The following GLRB variants were observed in gnomAD, a reference collection of about 807,000 sequenced individuals.
GLRB encodes the protein glycine receptor beta.
In GLRB, 33 loss-of-function variants were observed where a neutral mutation model predicts 54.2. The observed-to-expected ratio is 0.61, with a 90% confidence interval of 0.46 to 0.81. GLRB has a LOEUF of 0.81. Among genes scored for constraint, GLRB ranks in the 40% least tolerant of loss-of-function variants. The pLI is 0.00. For synonymous variants in GLRB, 209 were observed against 208.2 expected (o/e 1.00, Z -0.03); for missense variants, 572 against 584.6 (o/e 0.98, Z 0.22).
chr4:157,164,127 T>C (rs1270685560), intron 9 of GLRB, among the ~76,000 whole-genome samples: 1 of 151,970 alleles, frequency 6.6e-6, no homozygotes, highest in East Asian at 1.9e-4. Flanking sequence ...GGAGTAATTA[T>C]TATTCCCTTT....
chr4:157,164,690 T>C (rs1737645192), intron 9 of GLRB, among the ~76,000 whole-genome samples: 1 of 152,166 alleles, frequency 6.6e-6, no homozygotes, highest in African/African-American at 2.4e-5. Flanking sequence ...GCAATGATCC[T>C]GATACCTTAA....
At chr4:157,088,250 T>C (rs927912196) in intron 2 of GLRB, among the ~76,000 whole-genome samples, 3 of 152,234 alleles carry the variant, frequency 2.0e-5, no homozygotes, top group South Asian at 2.1e-4. Flanking sequence ...TGTGGTGTTC[T>C]TTATATCATG....
intron 2 of GLRB, among the ~76,000 whole-genome samples, chr4:157,088,064 C>T (rs1734476256): frequency 6.6e-6 from 1 of 152,012 alleles, no homozygotes; most frequent in Non-Finnish European, 1.5e-5. Context: ...TTTTAGGGCT[C>T]TGATTGGAAT....
chr4:157,120,067 G>C (rs1228816662), intron 2 of GLRB, among the ~76,000 whole-genome samples: 3 of 151,714 alleles, frequency 2.0e-5, no homozygotes, highest in Non-Finnish European at 2.9e-5. Context: ...AAAATGGTGA[G>C]TTCATGTCCT....
chr4:157,166,843 A>G (rs915197472), intron 9 of GLRB, among the ~76,000 whole-genome samples: 4 of 152,086 alleles, frequency 2.6e-5, no homozygotes, highest in Non-Finnish European at 5.9e-5. Flanking sequence ...ATAATATTCT[A>G]TATCTATAGT....
At chr4:157,158,396 A>C (rs552240231) in intron 9 of GLRB, among the ~76,000 whole-genome samples, 3 of 152,122 alleles carry the variant, frequency 2.0e-5, no homozygotes, top group Non-Finnish European at 4.4e-5. Context: ...TTAGTCATGA[A>C]GTCCTTGCTC....
rs3822158 is a variant in GLRB at position 157,076,346 on chromosome 4, G to T, written c.-30+49G>T. ...GGAGGAGGGGACGCGGGTTGGGGCG[G>T]CGACGGTGGTCTGAGGACGGGAATA... is the stretch of plus-strand genomic sequence containing the variant. On this transcript the variant is annotated intron_variant, in intron 1 of 9. Coordinates refer to ENST00000264428, the MANE Select transcript of GLRB (RefSeq NM_000824.5). 1,163 of 151,806 alleles carry T rather than the reference G, an allele frequency of 7.7e-3. 21 individuals are homozygous for T. The East Asian group carries it at 0.1, about 13-fold the overall frequency. The allele number at this position is 151,806 out of a possible 1,614,324, so 9.4% of individuals were successfully genotyped here.
At position 157,134,343 on chromosome 4, in the gene GLRB, G is replaced by A. The variant is rs992971454; in HGVS notation, c.298-2126G>A. Among the ~76,000 whole-genome samples the A allele has an allele frequency of 1.3e-5, 2 of 151,976 alleles. 1 individual carries two copies. The highest frequency in any genetic ancestry group is 4.1e-4 in the South Asian group (2 of 4,826). ...AGACCAAGGAGGGAAGTTTGCTTGA[G>A]CCCAGGCTTTCGAGACCAGCCAGGC... On this transcript the variant is annotated intron_variant, in intron 4 of 9. Coordinates refer to ENST00000264428, the MANE Select transcript of GLRB (RefSeq NM_000824.5).
intron 2 of GLRB, among the ~76,000 whole-genome samples, chr4:157,097,061 A>C (rs1734839809): frequency 6.6e-6 from 1 of 152,176 alleles, no homozygotes; most frequent in Non-Finnish European, 1.5e-5. Flanking sequence ...TGGTGCCATA[A>C]ATTTCTAGAG....
At chr4:157,158,359 G>A (rs947071056) in intron 9 of GLRB, among the ~76,000 whole-genome samples, 4 of 152,018 alleles carry the variant, frequency 2.6e-5, no homozygotes, top group Admixed American at 2.6e-4. Flanking sequence ...GTCAATTTTG[G>A]CTTTTGTTGC....
intron 2 of GLRB, among the ~76,000 whole-genome samples, chr4:157,089,398 C>T (rs531703455): frequency 6.6e-6 from 1 of 152,066 alleles, no homozygotes; most frequent in Non-Finnish European, 1.5e-5. Flanking sequence ...GAGGGAGACC[C>T]TGTTTCAAAG....
intron 7 of GLRB, among the ~76,000 whole-genome samples, chr4:157,140,940 A>AT (rs1007649660): frequency 7.3e-5 from 11 of 151,710 alleles, no homozygotes; most frequent in African/African-American, 2.7e-4. Context: ...AGGAGTGTTC[A>AT]TTTTTTCACT....
chr4:157,111,138 G>A (rs1735403501), intron 2 of GLRB, among the ~76,000 whole-genome samples: 1 of 151,988 alleles, frequency 6.6e-6, no homozygotes, highest in Non-Finnish European at 1.5e-5. Context: ...CTCTGAGACA[G>A]ATGAGAGAAA....
At position 157,082,979 on chromosome 4, in the gene GLRB, TA is replaced by T. The variant is rs1734278888; in HGVS notation, c.122+4834del. ...GAATAGTGTTTTATATATATATATA[TA>T]TATATATATACACACATACTTACAA... is the stretch of plus-strand genomic sequence containing the variant. On this transcript the variant is annotated intron_variant, in intron 2 of 9. Transcript: ENST00000264428. Among the ~76,000 whole-genome samples the T allele has an allele frequency of 4.0e-5, 6 of 148,882 alleles. No homozygotes were observed. In the South Asian group the frequency reaches 1.3e-3, roughly 31 times the overall value.
intron 2 of GLRB, among the ~76,000 whole-genome samples, chr4:157,101,349 T>A (rs1035292973): frequency 6.6e-6 from 1 of 152,110 alleles, no homozygotes; most frequent in Non-Finnish European, 1.5e-5. Flanking sequence ...TGTAGTATAT[T>A]CCATATTTTA....
intron 2 of GLRB, among the ~76,000 whole-genome samples, chr4:157,081,929 G>A (rs992141316): frequency 3.9e-5 from 6 of 152,146 alleles, no homozygotes; most frequent in African/African-American, 1.4e-4. Flanking sequence ...ACCTCCAGCA[G>A]TATCTTCCCC....
At chr4:157,114,126 A>G (rs1015611348) in intron 2 of GLRB, among the ~76,000 whole-genome samples, 3 of 151,954 alleles carry the variant, frequency 2.0e-5, no homozygotes, top group African/African-American at 7.2e-5. Context: ...TTGCATACAG[A>G]TGGAAATGTA....
At chr4:157,134,113 T>C (rs1335795234) in intron 4 of GLRB, among the ~76,000 whole-genome samples, 1 of 152,078 alleles carries the variant, frequency 6.6e-6, no homozygotes, top group Non-Finnish European at 1.5e-5. Context: ...GCAAAACATG[T>C]TGAAGTTAAA....
chr4:157,097,882 A>G (rs1734872576), intron 2 of GLRB, among the ~76,000 whole-genome samples: 1 of 152,150 alleles, frequency 6.6e-6, no homozygotes, highest in Non-Finnish European at 1.5e-5. Flanking sequence ...TTAGCCAGGC[A>G]TCATGGCAGG....
Sources: gnomAD v4.1 joint callset for allele counts (sites outside exome capture counted in the v4.1 genomes callset) on GRCh38, gnomAD v4.1.1 for gene constraint, MANE v1.5 for transcripts, NCBI Gene and HGNC (gene_info 2026-07-23, HGNC 2026-07-21) for gene names.